The following RPA1 variants were observed in gnomAD, a reference collection of about 807,000 sequenced individuals.
RPA1 encodes replication protein A1.
RPA1 carries 49 observed loss-of-function variants against 83.0 expected under a neutral mutation model. The observed-to-expected ratio is 0.59, with a 90% CI of 0.47 to 0.75. The LOEUF (loss-of-function observed/expected upper bound fraction) is 0.75, where lower values mean the gene tolerates loss of function less well. RPA1 is among the 30% of genes least tolerant of loss of function. RPA1 has a pLI of 0.00. For missense variants in RPA1, 693 were observed against 776.1 expected, an observed-to-expected ratio of 0.89 and a Z score of 1.27; for synonymous variants, 279 against 281.8, an observed-to-expected ratio of 0.99 and a Z score of 0.10.
chr17:1,840,152 G>C (rs1365318640), intron 1 of RPA1, among the ~76,000 whole-genome samples: 1 of 151,996 alleles, frequency 6.6e-6, no homozygotes, highest in Non-Finnish European at 1.5e-5. Flanking sequence ...TGTTTGTTTT[G>C]AGACAGGGTC....
In RPA1 at chr17:1,861,337, G is replaced by A. The variant is rs150689823; in HGVS notation, c.361+8148G>A. 1.4e-3 allele frequency among the ~76,000 whole-genome samples: 214 copies of A among 152,264 alleles called. 2 individuals are homozygous for A. The highest frequency in any genetic ancestry group is 4.9e-3 in the African/African-American group (204 of 41,534). ...GCACTGAGCTGGTGCAGACCCACTCGCTCGCTTTCCTGTGCACAGCAGGCG... is the reference window on the plus strand; with the variant it reads ...GCACTGAGCTGGTGCAGACCCACTCACTCGCTTTCCTGTGCACAGCAGGCG... On this transcript the variant is annotated intron_variant, in intron 5 of 16. Coordinates refer to ENST00000254719, the MANE Select transcript of RPA1 (RefSeq NM_002945.5).
At chr17:1,896,018 G>A (rs1030827011) in intron 16 of RPA1, among the ~76,000 whole-genome samples, 2 of 152,118 alleles carry the variant, frequency 1.3e-5, no homozygotes, top group Non-Finnish European at 2.9e-5. Flanking sequence ...ATTGAGCATG[G>A]TCTGCCAGGT....
intron 15 of RPA1, among the ~76,000 whole-genome samples, chr17:1,893,884 G>T (rs1209740414): frequency 2.0e-5 from 3 of 151,740 alleles, no homozygotes; most frequent in South Asian, 4.2e-4. Flanking sequence ...TTTGAGACAA[G>T]GTCTTGCCTC....
At chr17:1,839,067 A>T (rs969361028) in intron 1 of RPA1, among the ~76,000 whole-genome samples, 4 of 151,906 alleles carry the variant, frequency 2.6e-5, no homozygotes, top group Non-Finnish European at 4.4e-5. Flanking sequence ...GTTAGCCGGG[A>T]TGGTCCCAAT....
In RPA1 at chr17:1,897,233, T is replaced by C; in HGVS notation, c.*58T>C. ...AATAGGCAGAATGGAATCGATTTCC[T>C]CCCACCTCCGTGTGACGATCCCATG... On this transcript the variant is annotated 3_prime_UTR_variant, in exon 17 of 17. Transcript: ENST00000254719. 12 of 1,294,780 alleles carry C rather than the reference T, an allele frequency of 9.3e-6. No homozygotes were observed. Among genetic ancestry groups the C allele is most frequent in the Non-Finnish European group, 1.3e-5 (12 of 929,192 alleles). The allele number at this position is 1,294,780 out of a possible 1,614,324, so 80.2% of individuals were successfully genotyped here.
Position 1,830,059 on chromosome 17 carries a change from T to A in RPA1, c.-35T>A. 8.0e-7 allele frequency: 1 copy of A among 1,249,024 alleles called. No individual in the cohort carries two copies. Among genetic ancestry groups the A allele is most frequent in the African/African-American group, 1.5e-5 (1 of 64,606 alleles). 77.4% of individuals were successfully genotyped at this position (1,249,024 alleles called of 1,614,324 possible). A position where few individuals can be genotyped will look rare whatever the true frequency, so the allele number is the denominator to read the frequency against. On this transcript the variant is annotated 5_prime_UTR_variant, in exon 1 of 17. Coordinates refer to ENST00000254719, the MANE Select transcript of RPA1 (RefSeq NM_002945.5). The stretch of plus-strand genomic sequence containing the variant: ...ACCCGGGTGGGGAAGCTGGAGCTGT[T>A]GCGGGGTCCGCGGGGAAGTCTTGGC...
intron 4 of RPA1, among the ~76,000 whole-genome samples, chr17:1,851,351 C>T (rs1912490760): frequency 6.6e-6 from 1 of 152,132 alleles, no homozygotes; most frequent in African/African-American, 2.4e-5. Flanking sequence ...GATTGATGGT[C>T]TGTTAAGTCT....
chr17:1,867,231 T>C (rs1304035364), intron 5 of RPA1, among the ~76,000 whole-genome samples: 1 of 152,182 alleles, frequency 6.6e-6, no homozygotes, highest in Non-Finnish European at 1.5e-5. Flanking sequence ...GAAGGTGAGC[T>C]GAGACAAAGC....
intron 8 of RPA1, 120 bp downstream of exon 8, chr17:1,877,434 T>A: frequency 1.3e-6 from 1 of 799,318 alleles, no homozygotes; most frequent in Non-Finnish European, 2.1e-6. Flanking sequence ...CGGAGGGCAG[T>A]GGGCTCGCCG....
chr17:1,832,450 G>T (rs1409288666), intron 1 of RPA1, among the ~76,000 whole-genome samples: 2 of 151,282 alleles, frequency 1.3e-5, no homozygotes, highest in Non-Finnish European at 3.0e-5. Flanking sequence ...GCAGTGGCAC[G>T]ATCTTGACTC....
chr17:1,879,691 G>C lies in RPA1; in HGVS notation c.1084G>C (p.Gly362Arg), dbSNP rs769598873. Reference sequence around the variant, plus strand: ...GAAGGTGGTGACTGCTACACTGTGGGGGGAAGATGTAAGTGCTGGGATGGG... The same window carrying C: ...GAAGGTGGTGACTGCTACACTGTGGCGGGAAGATGTAAGTGCTGGGATGGG... ...SGKVVTATLW[G>R]EDADKFDGSR... The change falls in exon 11 of 17, where the codon GGG (glycine) becomes CGG (arginine). Residue 362 changes from glycine (G) to arginine (R), a missense_variant. By Grantham distance (125) the Gly-to-Arg change is moderately radical (BLOSUM62 -2). Coordinates refer to ENST00000254719, the MANE Select transcript of RPA1 (RefSeq NM_002945.5). 1.2e-6 allele frequency: 2 copies of C among 1,614,226 alleles called. No homozygotes were observed. Among genetic ancestry groups the C allele is most frequent in the East Asian group, 4.5e-5 (2 of 44,892 alleles).
At chr17:1,882,857 C>T (rs984075673) in intron 12 of RPA1, among the ~76,000 whole-genome samples, 5 of 152,180 alleles carry the variant, frequency 3.3e-5, no homozygotes, top group African/African-American at 7.2e-5. Context: ...TTATAGCTTA[C>T]GGGTTGTTGA....
At chr17:1,836,895 T>C (rs1057117384) in intron 1 of RPA1, among the ~76,000 whole-genome samples, 1 of 150,938 alleles carries the variant, frequency 6.6e-6, no homozygotes, top group Non-Finnish European at 1.5e-5. Context: ...TGGAGTGCAG[T>C]GGCGCAATCT....
Position 1,888,826 on chromosome 17 carries a change from A to G in RPA1, c.1526A>G (p.Asn509Ser), listed in dbSNP as rs771134714. 12 of 1,613,800 alleles carry G rather than the reference A, an allele frequency of 7.4e-6. No homozygotes were observed. Among genetic ancestry groups the G allele is most frequent in the African/African-American group, 2.7e-5 (2 of 74,908 alleles). ...GAGAAGTGCGACACCGAATTTCCCA[A>G]TTTCAAGTACCGCATGATCCTGTCA... is the stretch of plus-strand genomic sequence containing the variant. ...RCEKCDTEFP[N>S]FKYRMILSVN... The change falls in exon 14 of 17, where the codon AAT (asparagine) becomes AGT (serine). Residue 509 changes from asparagine to serine, a missense_variant. Asn to Ser is a conservative substitution (Grantham distance 46). Transcript: ENST00000254719.
chr17:1,885,457 A>G (rs1326471699), intron 13 of RPA1, among the ~76,000 whole-genome samples: 1 of 151,312 alleles, frequency 6.6e-6, no homozygotes, highest in Non-Finnish European at 1.5e-5. Flanking sequence ...ATCTCCTCCC[A>G]TGAATCATGA....
intron 5 of RPA1, chr17:1,858,191 G>T: frequency 2.5e-6 from 4 of 1,614,014 alleles, no homozygotes; most frequent in Non-Finnish European, 3.4e-6. Context: ...GGGAAGACGA[G>T]TGCAAACTTA....
rs142484748 is a variant in RPA1, at chr17:1,879,284, G to A, written c.829G>A (p.Glu277Lys). 3.1e-6 allele frequency: 5 copies of A among 1,614,036 alleles called. No homozygotes were observed. The highest frequency in any genetic ancestry group is 1.1e-5 in the South Asian group (1 of 91,080). Residue 277 changes from glutamate to lysine, a missense_variant, in exon 10 of 17, where the codon GAG becomes AAG. Transcript: ENST00000254719. ...GTTCACAGCTGTTAAAAATGACTAC[G>A]AGATGACCTTCAATAACGAGACTTC... ...KQFTAVKNDY[E>K]MTFNNETSVM... is the part of the protein sequence containing the mutation.
chr17:1,880,527 G>C lies in RPA1; in HGVS notation c.1093-16G>C, dbSNP rs1913749181. ...CTGCTAGTGACACTTGTATATGTCTGGTGTTTCTTTTACAGGCTGATAAAT... is the reference window on the plus strand; with the variant it reads ...CTGCTAGTGACACTTGTATATGTCTCGTGTTTCTTTTACAGGCTGATAAAT... On this transcript the variant is annotated splice_polypyrimidine_tract_variant and intron_variant, in intron 11 of 16. Transcript: ENST00000254719. 1 of 1,611,520 alleles carries C rather than the reference G, an allele frequency of 6.2e-7. No homozygotes were observed. The highest frequency in any genetic ancestry group is 1.3e-5 in the African/African-American group (1 of 74,802).
intron 13 of RPA1, among the ~76,000 whole-genome samples, chr17:1,887,220 G>A (rs17292266): frequency 0.19 from 28,292 of 151,990 alleles, 2,852 homozygotes; most frequent in East Asian, 0.26. Context: ...ATCTTATATG[G>A]GTGTAGTTGG....
Sources: allele counts gnomAD v4.1 joint callset (sites outside exome capture counted in the v4.1 genomes callset), GRCh38; gene constraint gnomAD v4.1.1; transcripts MANE v1.5; gene names NCBI Gene and HGNC (gene_info 2026-07-23, HGNC 2026-07-21).